The following HMSD variants were observed in gnomAD, a reference collection of about 807,000 sequenced individuals.
HMSD encodes the protein serpin-like protein HMSD.
Under a neutral mutation model 10.0 loss-of-function variants are expected in HMSD, and 13 were observed. The observed-to-expected ratio is 1.31, with a 90% CI of 0.85 to 2.08. HMSD has a LOEUF of 2.08. HMSD is among the 30% of genes most tolerant of loss of function. The pLI, the probability that HMSD is intolerant of heterozygous loss-of-function variation, is 0.00. For missense variants in HMSD, 169 were observed against 166.3 expected (o/e 1.02, Z -0.09); for synonymous variants, 51 against 54.2 (o/e 0.94, Z 0.26).
intron 3 of HMSD, 64 bp downstream of exon 3, chr18:63,954,621 T>C (rs1281343537): frequency 3.6e-6 from 5 of 1,401,054 alleles, no homozygotes; most frequent in Non-Finnish European, 5.0e-6. Flanking sequence ...GGAGAATGAA[T>C]ATGGGCTATG....
In HMSD at chr18:63,960,217, G is replaced by T. The variant is rs369215965; in HGVS notation, c.282G>T (p.Val94=). Residue 94 remains valine (V), a synonymous_variant, in exon 4 of 4, where the codon GTG becomes GTT. Transcript: ENST00000408945. ...CAACGATAAAACAGCTAGACTTTGT[G>T]AATGATACAGAGAAGTCCACAACAC... ...YQATIKQLDF[V]NDTEKSTTRV... 17 of 1,613,228 alleles carry T rather than the reference G, an allele frequency of 1.1e-5. No individual in the cohort carries two copies. The highest frequency in any genetic ancestry group is 1.2e-5 in the Non-Finnish European group (14 of 1,179,786).
chr18:63,968,116 T>A (rs2050418513), intron 3 of HMSD: 1 of 152,388 alleles, frequency 6.6e-6, no homozygotes, highest in East Asian at 1.9e-4. Context: ...GCCAAATTTA[T>A]GTCCTGGAAA....
At chr18:63,962,844 T>G (rs1222965093), downstream of HMSD, among the ~76,000 whole-genome samples, 2 of 152,108 alleles carry the variant, frequency 1.3e-5, no homozygotes, top group Admixed American at 1.3e-4. Context: ...GAGCTGAAGC[T>G]TCTGTGTTGA....
chr18:63,963,045 G>T (rs2050392728), downstream of HMSD, among the ~76,000 whole-genome samples: 1 of 118,428 alleles, frequency 8.4e-6, no homozygotes, highest in Non-Finnish European at 1.7e-5. Flanking sequence ...TTCAGATGTA[G>T]TTTTCTTTCT....
At chr18:63,963,203 GCTTCCTTC>G (rs200514435), downstream of HMSD, among the ~76,000 whole-genome samples, 9 of 99,394 alleles carry the variant, frequency 9.1e-5, no homozygotes, top group East Asian at 1.2e-3. Context: ...TTCCTTCCTT[GCTTCCTTC>G]CTTCCTTCCT....
chr18:63,963,046 T>TTTTCTTTCTTTCTTTC (rs148830154), downstream of HMSD, among the ~76,000 whole-genome samples: 51 of 125,508 alleles, frequency 4.1e-4, 2 homozygotes, highest in African/African-American at 1.8e-3. Context: ...TCAGATGTAG[T>TTTTCTTTCTTTCTTTC]TTTCTTTCTT....
chr18:63,964,098 G>C (rs4510128), downstream of HMSD, among the ~76,000 whole-genome samples: 30,182 of 152,224 alleles, frequency 0.2, 3,190 homozygotes, highest in Middle Eastern at 0.3. Context: ...TCGTAAGCCA[G>C]CTTTGGCCAT....
intron 1 of HMSD, among the ~76,000 whole-genome samples, chr18:63,950,859 C>T (rs1016084612): frequency 4.6e-5 from 7 of 152,294 alleles, no homozygotes; most frequent in Non-Finnish European, 1.0e-4. Context: ...CATGTCCCAA[C>T]CATCAATCTG....
At chr18:63,956,711 C>G (rs1223639794) in intron 3 of HMSD, among the ~76,000 whole-genome samples, 5 of 152,276 alleles carry the variant, frequency 3.3e-5, no homozygotes, top group Admixed American at 1.3e-4. Flanking sequence ...CCATTTGACC[C>G]AGCAATCCCA....
chr18:63,954,655 T>G, intron 3 of HMSD, 98 bp downstream of exon 3: 1 of 1,010,648 alleles, frequency 9.9e-7, no homozygotes, highest in Non-Finnish European at 1.5e-6. Flanking sequence ...GGTCCTGAAC[T>G]CAGAACTCCA....
downstream of HMSD, among the ~76,000 whole-genome samples, chr18:63,965,908 T>C (rs1261025730): frequency 3.9e-5 from 6 of 152,150 alleles, no homozygotes; most frequent in Non-Finnish European, 1.5e-5. Context: ...TGAACCTTCA[T>C]TGAACCTGCA....
At chr18:63,963,518 G>A (rs1442983006), downstream of HMSD, among the ~76,000 whole-genome samples, 1 of 152,212 alleles carries the variant, frequency 6.6e-6, no homozygotes, top group East Asian at 1.9e-4. Context: ...ATGAGCCACC[G>A]CACCAGGCCG....
At chr18:63,967,242 C>T (rs2050413843) in intron 3 of HMSD, among the ~76,000 whole-genome samples, 1 of 152,162 alleles carries the variant, frequency 6.6e-6, no homozygotes, top group African/African-American at 2.4e-5. Flanking sequence ...AAGCAGTTCT[C>T]CTGCTTCAGT....
At position 63,960,324 on chromosome 18, in the gene HMSD, T is replaced by TATA. The variant is rs1243681511; in HGVS notation, c.390_391insTAA (p.Ile130_Val131insTer). 2.5e-6 allele frequency: 4 copies of TATA among 1,594,714 alleles called. No individual in the cohort carries two copies. In the Admixed American group the frequency reaches 6.9e-5, roughly 28 times the overall value. On this transcript the variant is annotated stop_gained and inframe_insertion, in exon 4 of 4. Transcript: ENST00000408945. LOFTEE classifies it high-confidence loss of function. ...TTCGATAATATTTTAAACAGTTTTATAGTCAGTTCTTTACAAAACTGTCAA... is the reference window on the plus strand; with the variant it reads ...TTCGATAATATTTTAAACAGTTTTATATAAGTCAGTTCTTTACAAAACTGTCAA...
intron 3 of HMSD, among the ~76,000 whole-genome samples, chr18:63,955,108 C>T (rs1025577373): frequency 1.5e-4 from 23 of 152,210 alleles, no homozygotes; most frequent in African/African-American, 5.3e-4. Context: ...CTTTCTTATG[C>T]CACAACTCCC....
intron 1 of HMSD, among the ~76,000 whole-genome samples, chr18:63,951,503 G>A (rs1162767662): frequency 6.6e-6 from 1 of 152,174 alleles, no homozygotes; most frequent in Admixed American, 6.5e-5. Flanking sequence ...ATATGTGGTT[G>A]AGCATACGAA....
chr18:63,961,235 A>C lies in HMSD; in HGVS notation c.*880A>C, dbSNP rs1338702290. ...TTCTTTCCTGGAATGAGGATAATCA[A>C]ATCATTTCAATATGAATTATGAAAA... is the stretch of plus-strand genomic sequence containing the variant. On this transcript the variant is annotated 3_prime_UTR_variant, in exon 4 of 4. Transcript: ENST00000408945. 1 of 151,994 alleles carries C rather than the reference A, an allele frequency of 6.6e-6. No homozygotes were observed. Among genetic ancestry groups the C allele is most frequent in the Admixed American group, 6.6e-5 (1 of 15,262 alleles). 9.4% of individuals were successfully genotyped at this position (151,994 alleles called of 1,614,324 possible).
chr18:63,964,246 G>A (rs1213734074), downstream of HMSD, among the ~76,000 whole-genome samples: 3 of 152,218 alleles, frequency 2.0e-5, no homozygotes, highest in Non-Finnish European at 4.4e-5. Flanking sequence ...TAGGCTGGGT[G>A]TGGTGGCTCA....
chr18:63,953,056 G>A (rs1307889095), intron 1 of HMSD, among the ~76,000 whole-genome samples: 2 of 152,168 alleles, frequency 1.3e-5, no homozygotes, highest in East Asian at 1.9e-4. Context: ...ACAAAGACCT[G>A]GTTTCTAATG....
Sources: allele counts gnomAD v4.1 joint callset (sites outside exome capture counted in the v4.1 genomes callset), GRCh38; gene constraint gnomAD v4.1.1; transcripts MANE v1.5; gene names NCBI Gene and HGNC (gene_info 2026-07-23, HGNC 2026-07-21).